Variants in PTK2 observed in about 807,000 individuals in gnomAD.
PTK2 encodes the protein protein tyrosine kinase 2.
In PTK2, 45 loss-of-function variants were observed where a neutral mutation model predicts 150.1. The observed-to-expected ratio is 0.30, with a 90% CI of 0.24 to 0.38. The LOEUF (loss-of-function observed/expected upper bound fraction) is 0.38. PTK2 is among the 10% of genes least tolerant of loss of function. The pLI, the probability that PTK2 is intolerant of heterozygous loss-of-function variation, is 1.00. For synonymous variants in PTK2, 432 were observed against 449.2 expected (o/e 0.96, Z 0.48); for missense variants, 919 against 1,307.3 (o/e 0.70, Z 4.58).
intron 1 of PTK2, among the ~76,000 whole-genome samples, chr8:140,935,996 C>A (rs2100173489): frequency 1.3e-5 from 2 of 151,870 alleles, no homozygotes; most frequent in African/African-American, 2.4e-5. Context: ...AAAGTGAAAC[C>A]CCATCTCTCC....
At chr8:140,824,746 A>G (rs1248685729) in intron 8 of PTK2, among the ~76,000 whole-genome samples, 2 of 152,032 alleles carry the variant, frequency 1.3e-5, no homozygotes, top group African/African-American at 4.8e-5. Context: ...ATATTAATCA[A>G]TACACTTGCA....
At chr8:140,665,450 C>T (rs1441062837) in intron 30 of PTK2, among the ~76,000 whole-genome samples, 1 of 152,142 alleles carries the variant, frequency 6.6e-6, no homozygotes, top group Non-Finnish European at 1.5e-5. Flanking sequence ...AGAGATGACA[C>T]CACTGCCCCG....
At chr8:140,902,920 A>AGTTGT (rs2100159113) in intron 2 of PTK2, among the ~76,000 whole-genome samples, 1 of 53,970 alleles carries the variant, frequency 1.9e-5, no homozygotes, top group Non-Finnish European at 4.7e-5. Context: ...CTCTGATGAG[A>AGTTGT]GTTGTTTTTT....
At chr8:140,850,647 G>A (rs1481593252) in intron 5 of PTK2, among the ~76,000 whole-genome samples, 3 of 150,640 alleles carry the variant, frequency 2.0e-5, no homozygotes, top group South Asian at 2.1e-4. Flanking sequence ...AGAGAATGGC[G>A]TGAACGCGGG....
At chr8:140,677,868 T>C (rs1459653150) in intron 27 of PTK2, among the ~76,000 whole-genome samples, 1 of 152,222 alleles carries the variant, frequency 6.6e-6, no homozygotes, top group Non-Finnish European at 1.5e-5. Flanking sequence ...AGCACTGTTC[T>C]AGGTATAAAA....
intron 10 of PTK2, among the ~76,000 whole-genome samples, chr8:140,809,183 G>C (rs2154600958): frequency 6.6e-6 from 1 of 152,142 alleles, no homozygotes; most frequent in East Asian, 1.9e-4. Flanking sequence ...TAAAAGGGAA[G>C]AGCACAATAA....
intron 16 of PTK2, among the ~76,000 whole-genome samples, chr8:140,757,572 A>T (rs1158191189): frequency 6.6e-6 from 1 of 152,202 alleles, no homozygotes; most frequent in Non-Finnish European, 1.5e-5. Context: ...TAATGCTCAG[A>T]GCATCACTAG....
At chr8:140,898,770 T>C (rs1414337893) in intron 2 of PTK2, among the ~76,000 whole-genome samples, 2 of 152,154 alleles carry the variant, frequency 1.3e-5, no homozygotes, top group African/African-American at 4.8e-5. Flanking sequence ...TACCTCATTA[T>C]GCTTAAAGTA....
chr8:140,801,957 G>A (rs1279991982), intron 11 of PTK2, among the ~76,000 whole-genome samples: 2 of 152,006 alleles, frequency 1.3e-5, no homozygotes, highest in East Asian at 3.9e-4. Context: ...AAAATCTACT[G>A]TGCTGCCAGT....
intron 26 of PTK2, among the ~76,000 whole-genome samples, chr8:140,697,307 A>G (rs1269602962): frequency 6.6e-6 from 1 of 151,830 alleles, no homozygotes; most frequent in East Asian, 1.9e-4. Context: ...AGTTAAAAAC[A>G]AAAACAAACA....
chr8:140,855,702 C>G (rs569983513), intron 5 of PTK2, among the ~76,000 whole-genome samples: 50 of 152,198 alleles, frequency 3.3e-4, no homozygotes, highest in Non-Finnish European at 5.1e-4. Flanking sequence ...GACTAGTATA[C>G]AAGGTACATG....
intron 1 of PTK2, among the ~76,000 whole-genome samples, chr8:140,960,710 G>A (rs1009302481): frequency 8.5e-5 from 13 of 152,090 alleles, no homozygotes; most frequent in South Asian, 2.1e-4. Context: ...GGCTGGGCGC[G>A]GTGGCTCACT....
chr8:140,710,988 A>G (rs1028644650), intron 23 of PTK2, among the ~76,000 whole-genome samples: 6 of 152,196 alleles, frequency 3.9e-5, no homozygotes, highest in African/African-American at 1.4e-4. Flanking sequence ...CCTAGGCTGG[A>G]GTGCAGTGGC....
At chr8:140,697,850 CTGTTT>C (rs2100027713) in intron 26 of PTK2, among the ~76,000 whole-genome samples, 1 of 65,338 alleles carries the variant, frequency 1.5e-5, no homozygotes, top group Non-Finnish European at 3.0e-5. Context: ...TTAGGGTTTA[CTGTTT>C]TTTTTTTTTT....
At position 140,983,398 on chromosome 8, in the gene PTK2, A is replaced by C. The variant is rs1051843055; in HGVS notation, c.-122+17727T>G. On this transcript the variant is annotated intron_variant, in intron 1 of 31. Transcript: ENST00000522684. ...TCCATCTCAAAAAAAAAAAAAAAAA[A>C]AAAATCTTTGTTAAGGCTTTCATCA... Among the ~76,000 whole-genome samples, 21 of 151,622 alleles carry C rather than the reference A, an allele frequency of 1.4e-4. No homozygotes were observed. In the East Asian group the frequency reaches 3.9e-3, roughly 28 times the overall value.
rs139660183 is a variant in PTK2, at chr8:140,719,540, G to A, written c.2031-1831C>T. Among the ~76,000 whole-genome samples the A allele has an allele frequency of 2.2e-3, 339 of 152,234 alleles. 2 individuals carry two copies. The highest frequency in any genetic ancestry group is 8.0e-3 in the African/African-American group (331 of 41,540). ...AGAAGAGCGCTCCCCTCCGCTGCTG[G>A]GAGGATTAAGGGAGATCATGGCTAT... On this transcript the variant is annotated intron_variant, in intron 22 of 31. Coordinates refer to ENST00000522684, the Ensembl canonical transcript of PTK2.
intron 8 of PTK2, among the ~76,000 whole-genome samples, chr8:140,819,610 T>A (rs2100106937): frequency 6.6e-6 from 1 of 152,230 alleles, no homozygotes; most frequent in African/African-American, 2.4e-5. Flanking sequence ...AAGAACTGTT[T>A]TGGAGAACTA....
chr8:140,767,106 A>G (rs1273040323), intron 14 of PTK2, among the ~76,000 whole-genome samples: 1 of 152,238 alleles, frequency 6.6e-6, no homozygotes, highest in Non-Finnish European at 1.5e-5. Flanking sequence ...ATTTTATAAA[A>G]TCCTCAGTAG....
At position 140,902,425 on chromosome 8, in the gene PTK2, A is replaced by T. The variant is rs541382242; in HGVS notation, c.-32-11656T>A. On this transcript the variant is annotated intron_variant, in intron 2 of 31. Transcript: ENST00000522684. Reference sequence around the variant, plus strand: ...GTGAACAGTGTTGCAATAAACATACATGTGCATGTGTCTTTATAGAATGAT... The same window carrying T: ...GTGAACAGTGTTGCAATAAACATACTTGTGCATGTGTCTTTATAGAATGAT... Among the ~76,000 whole-genome samples, 19 of 152,308 alleles carry T rather than the reference A, an allele frequency of 1.2e-4. No homozygotes were observed. In the South Asian group the frequency reaches 3.7e-3, roughly 30 times the overall value.
Sources: gnomAD v4.1 joint callset for allele counts (sites outside exome capture counted in the v4.1 genomes callset) on GRCh38, gnomAD v4.1.1 for gene constraint, MANE v1.5 for transcripts, NCBI Gene and HGNC (gene_info 2026-07-23, HGNC 2026-07-21) for gene names.